The following VWF variants were observed in gnomAD, a reference collection of about 807,000 sequenced individuals.
The protein encoded by VWF is von Willebrand factor, also known as Factor VIII related antigen.
In VWF, 176 loss-of-function variants were observed where a neutral mutation model predicts 308.6. The ratio of observed to expected loss-of-function variants is 0.57; its 90% CI spans 0.50 to 0.65. VWF has a LOEUF of 0.65. Among genes scored for constraint, VWF ranks in the 30% least tolerant of loss-of-function variants. VWF has a pLI of 0.00. For synonymous variants in VWF, 1,385 were observed against 1,443.4 expected (o/e 0.96, Z 0.92); for missense variants, 3,146 against 3,648.2 (o/e 0.86, Z 3.55).
intron 38 of VWF, 43 bp downstream of exon 38, chr12:5,991,776 G>T: frequency 6.2e-7 from 1 of 1,601,086 alleles, no homozygotes. Flanking sequence ...TTTGACCCAA[G>T]AGGGAAGCAG....
In VWF at chr12:6,046,712, A is replaced by C; in HGVS notation, c.2281+11T>G. On this transcript the variant is annotated intron_variant, in intron 17 of 51. Transcript: ENST00000261405. The surrounding 1 kb of genome is among the most constrained non-coding windows in gnomAD (Gnocchi z 5.0). ...TGGAGTCAATGGGCCTTCCAGGGGGACAGTACTCACTGCGATGAGACAGGG... is the reference window on the plus strand; with the variant it reads ...TGGAGTCAATGGGCCTTCCAGGGGGCCAGTACTCACTGCGATGAGACAGGG... 1 of 1,613,292 alleles carries C rather than the reference A, an allele frequency of 6.2e-7. No individual in the cohort carries two copies. Among genetic ancestry groups the C allele is most frequent in the Middle Eastern group, 1.7e-4 (1 of 6,056 alleles).
At chr12:6,086,588 A>G (rs1944974735) in intron 6 of VWF, among the ~76,000 whole-genome samples, 1 of 152,218 alleles carries the variant, frequency 6.6e-6, no homozygotes, top group Admixed American at 6.5e-5. Context: ...AGTCCATTCC[A>G]GACCAAAACT....
chr12:6,057,608 C>CTT (rs61458766), intron 14 of VWF, among the ~76,000 whole-genome samples: 1 of 134,580 alleles, frequency 7.4e-6, no homozygotes. Context: ...CCTCGGTAGA[C>CTT]TTTTTTTTTT....
chr12:6,004,450 T>C (rs1339760923), intron 34 of VWF, among the ~76,000 whole-genome samples: 2 of 152,152 alleles, frequency 1.3e-5, no homozygotes, highest in Non-Finnish European at 2.9e-5. Context: ...ACATGATATG[T>C]GTGTGCACGT....
At chr12:6,027,660 G>C (rs1944209862) in intron 22 of VWF, among the ~76,000 whole-genome samples, 1 of 152,126 alleles carries the variant, frequency 6.6e-6, no homozygotes, top group African/African-American at 2.4e-5. Context: ...AATGCAGGCA[G>C]CCTCCGGAAT....
chr12:5,991,169 A>T (rs1342853530), intron 38 of VWF, among the ~76,000 whole-genome samples: 90 of 48,834 alleles, frequency 1.8e-3, no homozygotes, highest in South Asian at 2.9e-3. Flanking sequence ...AGGGATTCTC[A>T]CACACACACA....
At chr12:6,001,458 G>A (rs1943872693) in intron 34 of VWF, among the ~76,000 whole-genome samples, 1 of 152,092 alleles carries the variant, frequency 6.6e-6, no homozygotes, top group African/African-American at 2.4e-5. Context: ...CAGGGATGGA[G>A]ATTTTGATAT....
rs1292403908 is a variant in VWF at position 6,093,194 on chromosome 12, G to A, written c.657+2266C>T. ...GTCAAGCAGAGCAGCTTTGTAGAGG[G>A]TGTCGGGGCACAGCGTAGGTGTCGG... On this transcript the variant is annotated intron_variant, in intron 6 of 51. Transcript: ENST00000261405. Among the ~76,000 whole-genome samples the A allele has an allele frequency of 2.6e-5, 4 of 152,036 alleles. No homozygotes were observed. In the East Asian group the frequency reaches 5.8e-4, roughly 22 times the overall value.
chr12:6,047,925 T>A (rs1944464531), intron 16 of VWF, among the ~76,000 whole-genome samples: 1 of 152,186 alleles, frequency 6.6e-6, no homozygotes, highest in South Asian at 2.1e-4. Flanking sequence ...TGTATAAGGA[T>A]TTTAGTCTAT....
At chr12:6,096,606 G>A (rs977073726) in intron 5 of VWF, among the ~76,000 whole-genome samples, 19 of 152,302 alleles carry the variant, frequency 1.2e-4, no homozygotes, top group Middle Eastern at 6.8e-3. Flanking sequence ...CAGAATGAAG[G>A]TAAGAATATG....
In VWF at chr12:6,019,640, C is replaced by G; in HGVS notation, c.3778G>C (p.Glu1260Gln). 1 of 1,613,940 alleles carries G rather than the reference C, an allele frequency of 6.2e-7. No individual in the cohort carries two copies. The highest frequency in any genetic ancestry group is 8.5e-7 in the Non-Finnish European group (1 of 1,179,868). Residue 1260 changes from glutamate (E) to glutamine (Q), a missense_variant, in exon 28 of 52, where the codon GAG becomes CAG. This residue lies in a region of VWF where 853 missense variants were observed against 1,177.8 expected (regional missense o/e 0.72). Coordinates refer to ENST00000261405, the MANE Select transcript of VWF (RefSeq NM_000552.5). The surrounding 1 kb of genome is among the most constrained non-coding windows in gnomAD (Gnocchi z 5.8). ...TGCAACGGCGGTTCCGAGATGTCCT[C>G]CACATACAGAGTGGTGGGGCTCACC... ...APVSPTTLYVEDISEPPLHDF... is the reference protein window; with the variant it reads ...APVSPTTLYVQDISEPPLHDF...
rs773824205 is a variant in VWF, at chr12:6,057,054, G to A, written c.1748C>T (p.Ala583Val). 7.1e-6 allele frequency: 11 copies of A among 1,542,768 alleles called. No homozygotes were observed. The highest frequency in any genetic ancestry group is 1.9e-5 in the Admixed American group (1 of 51,642). ...TGTGGGGGACGTCAGGACCGCGCAC[G>A]CCTCCTCGGAGAACCTGGCTGTGGG... ...NPRMTRFSEE[A>V]CAVLTSPTFE... is the part of the protein sequence containing the mutation. The change falls in exon 15 of 52, where the codon GCG (alanine) becomes GTG (valine). Residue 583 changes from alanine (A) to valine (V), a missense_variant. Around this residue, in one of 3 missense-constraint regions of VWF, gnomAD observed 1,304 missense variants for 1,353.0 expected, o/e 0.96. Coordinates refer to ENST00000261405, the MANE Select transcript of VWF (RefSeq NM_000552.5).
chr12:6,119,398 C>T (rs1371894416), intron 3 of VWF, among the ~76,000 whole-genome samples: 3 of 152,220 alleles, frequency 2.0e-5, no homozygotes, highest in Non-Finnish European at 4.4e-5. Flanking sequence ...AACTGCTGCT[C>T]CAGCCACACT....
chr12:6,055,761 T>TACACACACACACACACACACAC lies in VWF; in HGVS notation c.1945+1074_1945+1095dup, dbSNP rs35414262. 1.1e-3 allele frequency among the ~76,000 whole-genome samples: 151 copies of TACACACACACACACACACACAC among 135,340 alleles called. 2 individuals carry two copies. The highest frequency in any genetic ancestry group is 6.0e-3 in the East Asian group (28 of 4,660). The allele number at this position is 135,340 out of a possible 152,430, so 88.8% of individuals were successfully genotyped here. A position where few individuals can be genotyped will look rare whatever the true frequency, so the allele number is the denominator to read the frequency against. ...TCTACTTTATATATATATATATGTA[T>TACACACACACACACACACACAC]ACACACACACACACACACACACACA... On this transcript the variant is annotated intron_variant, in intron 15 of 51. Transcript: ENST00000261405.
chr12:6,057,992 C>T lies in VWF; in HGVS notation c.1586G>A (p.Gly529Asp), dbSNP rs1479932155. The T allele has an allele frequency of 2.5e-6, 4 of 1,613,560 alleles. No homozygotes were observed. The Admixed American group carries it at 5.0e-5, about 20-fold the overall frequency. The change falls in exon 14 of 52, where the codon GGC (glycine) becomes GAC (aspartate). Residue 529 changes from glycine (G) to aspartate (D), a missense_variant. Physicochemically the swap from Gly to Asp is moderately conservative, Grantham distance 94. This residue lies in a region of VWF where 1,304 missense variants were observed against 1,353.0 expected (regional missense o/e 0.96). Coordinates refer to ENST00000261405, the MANE Select transcript of VWF (RefSeq NM_000552.5). ...GGTAAGGAAGTCGTCGCCCTGGTTG[C>T]CATTGTAATTCCCACACAGGCCGCA... The part of the protein sequence containing the change: ...KTCGLCGNYN[G>D]NQGDDFLTPS...
At chr12:5,992,080 G>T (rs1943751952) in intron 37 of VWF, 62 bp from the exon 38 acceptor site, 11 of 1,494,160 alleles carry the variant, frequency 7.4e-6, no homozygotes, top group Admixed American at 7.0e-5. Context: ...AATGGGCACA[G>T]CTGATTCAAC....
chr12:5,980,019 C>A (rs1384331224), intron 42 of VWF, among the ~76,000 whole-genome samples: 3 of 135,922 alleles, frequency 2.2e-5, no homozygotes, highest in Non-Finnish European at 3.1e-5. Context: ...CCAGCCTGGG[C>A]GACAGAGCGA....
chr12:6,014,364 C>T (rs1944034016), intron 31 of VWF, among the ~76,000 whole-genome samples: 1 of 152,164 alleles, frequency 6.6e-6, no homozygotes, highest in African/African-American at 2.4e-5. Flanking sequence ...AGCTGCTGTG[C>T]TGAGAATGAT....
rs2239155 is a variant in VWF at position 6,074,977 on chromosome 12, G to A, written c.874+358C>T. 1.4e-3 allele frequency among the ~76,000 whole-genome samples: 211 copies of A among 152,176 alleles called. 2 individuals carry two copies. In the East Asian group the frequency reaches 0.028, roughly 20 times the overall value. On this transcript the variant is annotated intron_variant, in intron 7 of 51. Transcript: ENST00000261405. ...TCAGCGTCCTGCTCCTCATCAATTC[G>A]GGCGGGCAGGCGGTGAAGACAAAAA...
Sources: allele counts gnomAD v4.1 joint callset (sites outside exome capture counted in the v4.1 genomes callset), GRCh38; gene constraint gnomAD v4.1.1; regional missense constraint gnomAD v4.1.1; non-coding constraint Gnocchi (gnomAD v3.1); transcripts MANE v1.5; gene names NCBI Gene and HGNC (gene_info 2026-07-23, HGNC 2026-07-21).